Variants in GABRG3 observed in about 807,000 individuals in gnomAD.
GABRG3 encodes the protein gamma-aminobutyric acid receptor subunit gamma-3.
GABRG3 carries 25 observed loss-of-function variants against 48.8 expected under a neutral mutation model. The ratio of observed to expected loss-of-function variants is 0.51; its 90% confidence interval spans 0.37 to 0.72. The LOEUF (loss-of-function observed/expected upper bound fraction) is 0.72, where lower values mean the gene tolerates loss of function less well. GABRG3 is among the 30% of genes least tolerant of loss of function. GABRG3 has a pLI of 0.00. For synonymous variants in GABRG3, 227 were observed against 217.6 expected (o/e 1.04, Z -0.38); for missense variants, 394 against 577.9 (o/e 0.68, Z 3.26).
intron 6 of GABRG3, among the ~76,000 whole-genome samples, chr15:27,506,069 C>T (rs185898232): frequency 6.6e-6 from 1 of 152,104 alleles, no homozygotes; most frequent in Non-Finnish European, 1.5e-5. Context: ...CCTTACCTTC[C>T]CGTAATGTTG....
intron 6 of GABRG3, among the ~76,000 whole-genome samples, chr15:27,490,112 C>T (rs1233624312): frequency 2.6e-5 from 4 of 152,156 alleles, no homozygotes; most frequent in Non-Finnish European, 5.9e-5. Flanking sequence ...TTTCCCAACA[C>T]CATTTATGTA....
At chr15:27,116,340 A>G (rs907156132) in intron 3 of GABRG3, among the ~76,000 whole-genome samples, 3 of 152,186 alleles carry the variant, frequency 2.0e-5, no homozygotes, top group East Asian at 1.9e-4. Flanking sequence ...AACAGTTACA[A>G]TAATAGCCTT....
intron 5 of GABRG3, among the ~76,000 whole-genome samples, chr15:27,440,098 C>T (rs942997392): frequency 2.0e-5 from 3 of 152,178 alleles, no homozygotes; most frequent in African/African-American, 4.8e-5. Flanking sequence ...CACAGTGCTT[C>T]GAGGTGCTGA....
intron 6 of GABRG3, among the ~76,000 whole-genome samples, chr15:27,490,672 T>C (rs146379745): frequency 9.6e-4 from 147 of 152,354 alleles, no homozygotes; most frequent in African/African-American, 3.5e-3. Context: ...ATCAGACACT[T>C]CTGTGCAGGA....
chr15:27,439,604 G>T (rs1888722541), intron 5 of GABRG3, among the ~76,000 whole-genome samples: 1 of 152,306 alleles, frequency 6.6e-6, no homozygotes, highest in Middle Eastern at 3.4e-3. Context: ...CCCAGGGCTG[G>T]CTGGACAGTG....
intron 3 of GABRG3, among the ~76,000 whole-genome samples, chr15:27,252,193 G>T (rs1028289438): frequency 6.6e-6 from 1 of 152,100 alleles, no homozygotes; most frequent in Non-Finnish European, 1.5e-5. Context: ...GAGACGGGGG[G>T]TGGCCGTGGG....
intron 2 of GABRG3, among the ~76,000 whole-genome samples, chr15:26,999,801 A>C (rs1266516234): frequency 6.6e-6 from 1 of 152,050 alleles, no homozygotes; most frequent in East Asian, 1.9e-4. Flanking sequence ...TCTTTCCTTT[A>C]AATATTTTTC....
At chr15:27,245,530 G>A (rs1271600809) in intron 3 of GABRG3, among the ~76,000 whole-genome samples, 1 of 152,236 alleles carries the variant, frequency 6.6e-6, no homozygotes, top group Non-Finnish European at 1.5e-5. Context: ...TGGATATTGT[G>A]TTAGTCTGTT....
chr15:27,018,909 T>C (rs1264435617), intron 2 of GABRG3, among the ~76,000 whole-genome samples: 2 of 152,072 alleles, frequency 1.3e-5, no homozygotes, highest in Non-Finnish European at 2.9e-5. Context: ...AAATCTTCAC[T>C]GAGATGCTGT....
At chr15:27,431,054 G>T (rs1056138734) in intron 5 of GABRG3, among the ~76,000 whole-genome samples, 19 of 151,358 alleles carry the variant, frequency 1.3e-4, no homozygotes, top group African/African-American at 4.6e-4. Flanking sequence ...TAGTATAAGG[G>T]TTTATTTCTA....
chr15:27,530,612 A>G (rs748198393), intron 9 of GABRG3: 1 of 471,138 alleles, frequency 2.1e-6, no homozygotes, highest in South Asian at 1.5e-5. Flanking sequence ...CTCTTGCTCC[A>G]GAAGCCATCC....
intron 3 of GABRG3, among the ~76,000 whole-genome samples, chr15:27,031,063 GACACAC>G (rs72485766): frequency 4.7e-5 from 7 of 149,786 alleles, no homozygotes; most frequent in Non-Finnish European, 8.9e-5. Context: ...CACACACACA[GACACAC>G]ACACACACAC....
At chr15:27,007,898 T>C (rs1437125468) in intron 2 of GABRG3, among the ~76,000 whole-genome samples, 1 of 152,194 alleles carries the variant, frequency 6.6e-6, no homozygotes, top group Non-Finnish European at 1.5e-5. Context: ...CTGCAGAAGC[T>C]CTTTAGTTTA....
rs1893347132 is a variant in GABRG3 at position 27,319,509 on chromosome 15, CAT to C, written c.271-7298_271-7297del. Reference sequence around the variant, plus strand: ...ATAATTGTGATACGGCAGTTGAAGACATAGAGTGTTAACATAAGGAGAAAAAA... The same window carrying C: ...ATAATTGTGATACGGCAGTTGAAGACAGAGTGTTAACATAAGGAGAAAAAA... On this transcript the variant is annotated intron_variant, in intron 3 of 9. Coordinates refer to ENST00000615808, the MANE Select transcript of GABRG3 (RefSeq NM_033223.5). The surrounding 1 kb of genome is among the most constrained non-coding windows in gnomAD (Gnocchi z 4.4). Among the ~76,000 whole-genome samples the C allele has an allele frequency of 6.6e-6, 1 of 152,128 alleles. No individual in the cohort carries two copies. Among genetic ancestry groups the C allele is most frequent in the South Asian group, 2.1e-4 (1 of 4,824 alleles).
chr15:27,357,583 A>C (rs151249479), intron 5 of GABRG3, among the ~76,000 whole-genome samples: 1,611 of 152,306 alleles, frequency 0.011, 33 homozygotes, highest in African/African-American at 0.037. Context: ...CTATTATACC[A>C]CCCAAAAAGA....
chr15:27,393,636 A>G (rs898343749), intron 5 of GABRG3, among the ~76,000 whole-genome samples: 11 of 152,150 alleles, frequency 7.2e-5, no homozygotes, highest in Non-Finnish European at 2.9e-5. Flanking sequence ...CTGGCTTTCC[A>G]TTTACCACCC....
At position 27,471,724 on chromosome 15, in the gene GABRG3, T is replaced by C. The variant is rs181084344; in HGVS notation, c.575-8926T>C. On this transcript the variant is annotated intron_variant, in intron 5 of 9. Transcript: ENST00000615808. The stretch of plus-strand genomic sequence containing the variant: ...GGATCCAAATTGATTTTTTCTCATA[T>C]GGCTTCCACTGATCATAAACACCTT... Among the ~76,000 whole-genome samples, 647 of 152,348 alleles carry C rather than the reference T, an allele frequency of 4.2e-3. 2 individuals are homozygous for C. Among genetic ancestry groups the C allele is most frequent in the Non-Finnish European group, 6.4e-3 (435 of 68,032 alleles).
intron 5 of GABRG3, among the ~76,000 whole-genome samples, chr15:27,369,311 G>A (rs1021379570): frequency 6.6e-6 from 1 of 152,230 alleles, no homozygotes; most frequent in Non-Finnish European, 1.5e-5. Flanking sequence ...CAAATGTCAT[G>A]TAAATGACCT....
rs186368327 is a variant in GABRG3, at chr15:27,536,168, G to A, written c.*3287G>A. On this transcript the variant is annotated 3_prime_UTR_variant, in exon 10 of 10. Transcript: ENST00000615808. Reference sequence around the variant, plus strand: ...CTGTCTTTTAAGCTGCATACTGGGTGGGGGGAAAGCAAAGAAAAGGCATTT... The same window carrying A: ...CTGTCTTTTAAGCTGCATACTGGGTAGGGGGAAAGCAAAGAAAAGGCATTT... The A allele has an allele frequency of 6.6e-6, 1 of 152,170 alleles. No individual in the cohort carries two copies. The highest frequency in any genetic ancestry group is 2.4e-5 in the African/African-American group (1 of 41,422). 9.4% of individuals were successfully genotyped at this position (152,170 alleles called of 1,614,324 possible).
Sources: gnomAD v4.1 joint callset for allele counts (sites outside exome capture counted in the v4.1 genomes callset) on GRCh38, gnomAD v4.1.1 for gene constraint, Gnocchi (gnomAD v3.1) non-coding constraint, MANE v1.5 for transcripts, NCBI Gene and HGNC (gene_info 2026-07-23, HGNC 2026-07-21) for gene names.